The following GRB10 variants were observed in gnomAD, a reference collection of about 807,000 sequenced individuals.
GRB10 encodes the protein growth factor receptor bound protein 10.
A neutral mutation model predicts 80.9 loss-of-function variants in GRB10; 20 were observed. That is an observed-to-expected ratio of 0.25 (90% CI 0.17 to 0.36). The LOEUF (loss-of-function observed/expected upper bound fraction) is 0.36. GRB10 is among the 10% of genes least tolerant of loss of function. GRB10 has a pLI of 1.00. For synonymous variants in GRB10, 291 were observed against 291.5 expected (o/e 1.00, Z 0.02); for missense variants, 548 against 747.7 (o/e 0.73, Z 3.12).
intron 5 of GRB10, among the ~76,000 whole-genome samples, chr7:50,698,328 A>C (rs2063714636): frequency 6.6e-6 from 1 of 152,242 alleles, no homozygotes; most frequent in Non-Finnish European, 1.5e-5. Context: ...ATGGTAATAC[A>C]GTCAAATTTA....
intron 2 of GRB10, among the ~76,000 whole-genome samples, chr7:50,772,234 C>T (rs1184228174): frequency 6.6e-6 from 1 of 152,284 alleles, no homozygotes. Context: ...CTCAAGACCA[C>T]AAAATGGCCA....
intron 1 of GRB10, among the ~76,000 whole-genome samples, chr7:50,788,057 G>A (rs1223080572): frequency 7.0e-6 from 1 of 142,738 alleles, no homozygotes; most frequent in Non-Finnish European, 1.6e-5. Context: ...CACTGTCCCT[G>A]GGCAGGAAGC....
chr7:50,604,128 T>C (rs1363792634), intron 16 of GRB10, 43 bp from the exon 17 acceptor site: 20 of 1,517,856 alleles, frequency 1.3e-5, no homozygotes, highest in Non-Finnish European at 1.6e-5. Context: ...GTGGTGCCTC[T>C]GCAGAATGGC....
chr7:50,615,929 G>A (rs2050537383), intron 11 of GRB10, among the ~76,000 whole-genome samples: 1 of 152,234 alleles, frequency 6.6e-6, no homozygotes, highest in Non-Finnish European at 1.5e-5. Context: ...AGTCTCTGAA[G>A]TGATGGGGCA....
At chr7:50,680,328 C>T (rs2061403944) in intron 5 of GRB10, among the ~76,000 whole-genome samples, 1 of 152,210 alleles carries the variant, frequency 6.6e-6, no homozygotes, top group African/African-American at 2.4e-5. Flanking sequence ...CTTCTCCCAA[C>T]CTTTGTTGAA....
At chr7:50,654,297 C>T (rs1024177685) in intron 7 of GRB10, among the ~76,000 whole-genome samples, 3 of 152,156 alleles carry the variant, frequency 2.0e-5, no homozygotes, top group African/African-American at 4.8e-5. Context: ...CAGCTCAGAG[C>T]GTGCCTTGAT....
intron 13 of GRB10, chr7:50,607,048 A>AT (rs535226450): frequency 1.8e-4 from 27 of 153,446 alleles, no homozygotes; most frequent in Non-Finnish European, 3.3e-4. Context: ...ACATGAGCCC[A>AT]TTTTTTTACT....
chr7:50,682,187 A>C (rs1207257111), intron 5 of GRB10, among the ~76,000 whole-genome samples: 1 of 152,240 alleles, frequency 6.6e-6, no homozygotes, highest in Non-Finnish European at 1.5e-5. Context: ...CTCACCTCAG[A>C]ACGCCTGGAG....
intron 7 of GRB10, among the ~76,000 whole-genome samples, chr7:50,644,874 G>A (rs1221136048): frequency 6.6e-6 from 1 of 152,196 alleles, no homozygotes; most frequent in Non-Finnish European, 1.5e-5. Context: ...GCTGGGTATG[G>A]GATGGGCGGA....
At chr7:50,636,996 T>C (rs376094494) in intron 7 of GRB10, among the ~76,000 whole-genome samples, 2 of 152,350 alleles carry the variant, frequency 1.3e-5, no homozygotes, top group South Asian at 2.1e-4. Context: ...TTTTTGTTTT[T>C]TGGTAGGGTC....
At chr7:50,607,074 T>C (rs937711403) in intron 13 of GRB10, 6 of 153,996 alleles carry the variant, frequency 3.9e-5, no homozygotes, top group Non-Finnish European at 8.7e-5. Flanking sequence ...ATGCAATTTA[T>C]TGGAGAGAGG....
At chr7:50,646,145 CA>C (rs1475356359) in intron 7 of GRB10, among the ~76,000 whole-genome samples, 3 of 152,194 alleles carry the variant, frequency 2.0e-5, no homozygotes, top group African/African-American at 7.2e-5. Flanking sequence ...GAAAAAGCTG[CA>C]AACAAAAGTA....
intron 2 of GRB10, among the ~76,000 whole-genome samples, chr7:50,772,010 A>G (rs2077022247): frequency 6.6e-6 from 1 of 152,250 alleles, no homozygotes; most frequent in Non-Finnish European, 1.5e-5. Flanking sequence ...CTTGAATGGC[A>G]CATGTGTCCC....
chr7:50,620,970 T>C (rs564968658), intron 8 of GRB10, among the ~76,000 whole-genome samples: 1 of 152,256 alleles, frequency 6.6e-6, no homozygotes, highest in African/African-American at 2.4e-5. Flanking sequence ...TTTACAGAAC[T>C]AAAAATTTTT....
intron 7 of GRB10, among the ~76,000 whole-genome samples, chr7:50,639,794 G>GT (rs1051856866): frequency 6.6e-6 from 1 of 152,158 alleles, no homozygotes; most frequent in Non-Finnish European, 1.5e-5. Context: ...CTCTACCCTT[G>GT]TTTTATACCA....
At chr7:50,766,927 T>C (rs1396794852) in intron 2 of GRB10, among the ~76,000 whole-genome samples, 1 of 152,196 alleles carries the variant, frequency 6.6e-6, no homozygotes. Flanking sequence ...TCAAGAATTT[T>C]GCAAAGACAA....
chr7:50,697,849 C>A (rs955834478), intron 5 of GRB10, among the ~76,000 whole-genome samples: 1 of 152,166 alleles, frequency 6.6e-6, no homozygotes, highest in Non-Finnish European at 1.5e-5. Flanking sequence ...AGGGAAGGAG[C>A]CTTTGTACCC....
chr7:50,733,619 G>T (rs1318422485), intron 3 of GRB10, among the ~76,000 whole-genome samples: 1 of 152,182 alleles, frequency 6.6e-6, no homozygotes, highest in South Asian at 2.1e-4. Context: ...TGGCTCAGAC[G>T]TCCCCAACCT....
chr7:50,647,222 T>C (rs1468031517), intron 7 of GRB10, among the ~76,000 whole-genome samples: 1 of 152,212 alleles, frequency 6.6e-6, no homozygotes, highest in Non-Finnish European at 1.5e-5. Flanking sequence ...ATTTTATAAC[T>C]TAAAAAGCAG....
Sources: gnomAD v4.1 joint callset for allele counts (sites outside exome capture counted in the v4.1 genomes callset) on GRCh38, gnomAD v4.1.1 for gene constraint, MANE v1.5 for transcripts, NCBI Gene and HGNC (gene_info 2026-07-23, HGNC 2026-07-21) for gene names.